Variants in PTGR1 observed in about 807,000 individuals in gnomAD.
PTGR1 encodes prostaglandin reductase 1, also known as 15-oxoprostaglandin 13-reductase.
Under a neutral mutation model 37.7 loss-of-function variants are expected in PTGR1, and 23 were observed. That is an observed-to-expected ratio of 0.61 (90% CI 0.44 to 0.86). The LOEUF (loss-of-function observed/expected upper bound fraction) is 0.86, where lower values mean the gene tolerates loss of function less well. Ranked by LOEUF, PTGR1 falls within the 40% of genes least tolerant of loss-of-function variation. The probability of loss-of-function intolerance (pLI) is 0.00; values close to 1 mark genes in which losing one functional copy is unlikely to be tolerated. For missense variants in PTGR1, 351 were observed against 394.3 expected, an observed-to-expected ratio of 0.89 and a Z score of 0.93; for synonymous variants, 134 against 140.0, an observed-to-expected ratio of 0.96 and a Z score of 0.30.
downstream of PTGR1, chr9:111,562,495 T>G (rs10980946): frequency 0.31 from 46,966 of 151,860 alleles, 7,901 homozygotes; most frequent in East Asian, 0.4. Flanking sequence ...AGGCTGGTCT[T>G]GCACTGCTGA....
chr9:111,570,334 T>C, intron 8 of PTGR1, 125 bp from the exon 9 acceptor site: 2 of 1,419,214 alleles, frequency 1.4e-6, no homozygotes, highest in Non-Finnish European at 1.9e-6. Flanking sequence ...CCCTTCCATT[T>C]CCTCACTCCT....
At position 111,569,232 on chromosome 9, in the gene PTGR1, C is replaced by T. The variant is rs147077208; in HGVS notation, c.879+859G>A. On this transcript the variant is annotated intron_variant, in intron 9 of 9. Transcript: ENST00000407693. Reference sequence around the variant, plus strand: ...CAGACGAGCTAACTAAGGGATAGCTCAAGCGTAGATAGAGAAGAGCAAAGT... The same window carrying T: ...CAGACGAGCTAACTAAGGGATAGCTTAAGCGTAGATAGAGAAGAGCAAAGT... 7.4e-4 allele frequency among the ~76,000 whole-genome samples: 112 copies of T among 152,192 alleles called. 1 individual carries two copies. Among genetic ancestry groups the T allele is most frequent in the African/African-American group, 2.3e-3 (97 of 41,518 alleles).
chr9:111,561,084 A>AATATAT (rs368827456), downstream of PTGR1, among the ~76,000 whole-genome samples: 157 of 20,340 alleles, frequency 7.7e-3, 5 homozygotes, highest in Middle Eastern at 0.021. Flanking sequence ...CTCCATCTAA[A>AATATAT]ATATATATAT....
chr9:111,560,709 C>T (rs549860479), downstream of PTGR1, among the ~76,000 whole-genome samples: 3 of 147,116 alleles, frequency 2.0e-5, no homozygotes, highest in East Asian at 2.0e-4. Flanking sequence ...TTTGGGAGGC[C>T]GAGGTGGCCG....
intron 6 of PTGR1, among the ~76,000 whole-genome samples, chr9:111,580,225 C>G: frequency 6.6e-6 from 1 of 152,108 alleles, no homozygotes; most frequent in East Asian, 1.9e-4. Context: ...TTCCAACAAC[C>G]TATAGATGTC....
Position 111,586,238 on chromosome 9 carries a change from G to A in PTGR1, c.210-73C>T, listed in dbSNP as rs1432534107. 6 of 1,464,374 alleles carry A rather than the reference G, an allele frequency of 4.1e-6. No homozygotes were observed. In the African/African-American group the frequency reaches 7.0e-5, roughly 17 times the overall value. 90.7% of individuals were successfully genotyped at this position (1,464,374 alleles called of 1,614,324 possible). A position where few individuals can be genotyped will look rare whatever the true frequency, so the allele number is the denominator to read the frequency against. On this transcript the variant is annotated intron_variant, in intron 4 of 9. Coordinates refer to ENST00000407693, the MANE Select transcript of PTGR1 (RefSeq NM_001146108.2). ...CCTTTCAAGGGAGTCAGGATGCTGT[G>A]TGGTTAGTGTTGACAAAAGTGCACT...
intron 9 of PTGR1, among the ~76,000 whole-genome samples, chr9:111,555,075 C>T (rs763064915): frequency 5.9e-5 from 9 of 152,120 alleles, no homozygotes; most frequent in Non-Finnish European, 1.0e-4. Flanking sequence ...GGCAGAGGCA[C>T]GCCACATGGT....
Position 111,572,756 on chromosome 9 carries a change from C to CAAA in PTGR1, c.760+1975_760+1977dup, listed in dbSNP as rs58101079. On this transcript the variant is annotated intron_variant, in intron 8 of 9. Transcript: ENST00000407693. The stretch of plus-strand genomic sequence containing the variant: ...TGGGCAACAAAGCGAGACCCTGTCT[C>CAAA]AAAAAAAAAAAAAAAAAAAAAAAAT... 5.3e-3 allele frequency among the ~76,000 whole-genome samples: 333 copies of CAAA among 63,128 alleles called. 3 individuals carry two copies. The highest frequency in any genetic ancestry group is 0.017 in the East Asian group (53 of 3,056). The allele number at this position is 63,128 out of a possible 152,430, so 41.4% of individuals were successfully genotyped here. A position where few individuals can be genotyped will look rare whatever the true frequency, so the allele number is the denominator to read the frequency against.
intron 8 of PTGR1, among the ~76,000 whole-genome samples, chr9:111,573,479 A>C (rs1828920540): frequency 6.6e-6 from 1 of 152,168 alleles, no homozygotes; most frequent in East Asian, 1.9e-4. Context: ...CCATTAGTCA[A>C]GCTCATCATA....
downstream of PTGR1, among the ~76,000 whole-genome samples, chr9:111,558,342 C>G (rs1316548093): frequency 6.6e-6 from 1 of 152,164 alleles, no homozygotes; most frequent in Non-Finnish European, 1.5e-5. Context: ...GTTCTTTCAA[C>G]ATGACTTCAT....
chr9:111,592,651 C>T lies in PTGR1; in HGVS notation c.209+275G>A, dbSNP rs939681089. 1.1e-4 allele frequency: 35 copies of T among 314,802 alleles called. No homozygotes were observed. The East Asian group carries it at 1.3e-3, about 11-fold the overall frequency. The allele number at this position is 314,802 out of a possible 1,614,324, so 19.5% of individuals were successfully genotyped here. A position where few individuals can be genotyped will look rare whatever the true frequency, so the allele number is the denominator to read the frequency against. On this transcript the variant is annotated intron_variant, in intron 4 of 9. Transcript: ENST00000407693. ...GCATTGTGGGCTGCTGGCCAGATCC[C>T]GCAATAAATCATGACCTGGACAAAT...
intron 2 of PTGR1, among the ~76,000 whole-genome samples, chr9:111,594,502 G>A (rs1369551891): frequency 2.0e-5 from 3 of 147,988 alleles, no homozygotes; most frequent in Non-Finnish European, 3.0e-5. Flanking sequence ...CATAAATGTT[G>A]AAGAAAAAAA....
intron 8 of PTGR1, among the ~76,000 whole-genome samples, chr9:111,573,155 G>C (rs1828902377): frequency 6.6e-6 from 1 of 152,186 alleles, no homozygotes. Context: ...TCGAGTTACT[G>C]TATCCAAAAT....
intron 9 of PTGR1, chr9:111,549,865 T>C: frequency 2.0e-6 from 2 of 1,013,614 alleles, no homozygotes; most frequent in Non-Finnish European, 1.5e-6. Flanking sequence ...AAAGTCTGTC[T>C]AGTGAGTCAA....
At chr9:111,576,482 C>T in intron 7 of PTGR1, 1 of 1,604,214 alleles carries the variant, frequency 6.2e-7, no homozygotes, top group Non-Finnish European at 8.5e-7. Context: ...CACTGCAGTG[C>T]AGTTCAAGAG....
At chr9:111,552,945 T>G (rs1828012536) in intron 9 of PTGR1, among the ~76,000 whole-genome samples, 1 of 152,216 alleles carries the variant, frequency 6.6e-6, no homozygotes, top group South Asian at 2.1e-4. Context: ...AAGTGATAAT[T>G]TCTTCATCTC....
intron 4 of PTGR1, among the ~76,000 whole-genome samples, chr9:111,586,807 A>C (rs71501685): frequency 0.13 from 17,832 of 136,230 alleles, 1,086 homozygotes; most frequent in East Asian, 0.17. Context: ...CTCTCTCTAT[A>C]TATATATATA....
At chr9:111,549,860 C>T (rs981391776) in intron 9 of PTGR1, 1 of 1,060,012 alleles carries the variant, frequency 9.4e-7, no homozygotes. Flanking sequence ...GCTTTAAAGT[C>T]TGTCTAGTGA....
At chr9:111,593,061 G>C in intron 3 of PTGR1, 79 bp from the exon 4 acceptor site, 1 of 1,496,826 alleles carries the variant, frequency 6.7e-7, no homozygotes, top group Non-Finnish European at 8.9e-7. Context: ...TAGGAGCATC[G>C]GGGGACTGTT....
Sources: allele counts gnomAD v4.1 joint callset (sites outside exome capture counted in the v4.1 genomes callset), GRCh38; gene constraint gnomAD v4.1.1; transcripts MANE v1.5; gene names NCBI Gene and HGNC (gene_info 2026-07-23, HGNC 2026-07-21).